CA6: variants seen among roughly 807,000 people sequenced by gnomAD.
CA6 encodes carbonate dehydratase VI.
CA6 carries 28 observed loss-of-function variants against 35.9 expected under a neutral mutation model. The observed-to-expected ratio is 0.78, with a 90% confidence interval of 0.58 to 1.07. The LOEUF is 1.07. Ranked by LOEUF, CA6 falls within the 50% of genes least tolerant of loss-of-function variation. CA6 has a pLI of 0.00. For missense variants in CA6, 377 were observed against 382.0 expected (o/e 0.99, Z 0.11); for synonymous variants, 148 against 152.6 (o/e 0.97, Z 0.22).
chr1:8,953,133 T>C (rs1639584702), intron 2 of CA6, among the ~76,000 whole-genome samples: 1 of 152,216 alleles, frequency 6.6e-6, no homozygotes, highest in Admixed American at 6.6e-5. Context: ...TCACACAGCA[T>C]GTAGCCTTTT....
chr1:8,958,813 G>A (rs1457700929), intron 3 of CA6, 97 bp from the exon 4 acceptor site: 1 of 713,428 alleles, frequency 1.4e-6, no homozygotes, highest in East Asian at 2.7e-5. Flanking sequence ...TGAGGCCTCA[G>A]ACGGAGCACC....
At chr1:8,960,743 AACACACACACACACACAC>A (rs113532929) in intron 4 of CA6, among the ~76,000 whole-genome samples, 85 of 109,054 alleles carry the variant, frequency 7.8e-4, no homozygotes, top group Admixed American at 1.5e-3. Flanking sequence ...CAAGTATAGC[AACACACACACACACACAC>A]ACACACACAC....
rs775167612 is a variant in CA6 at position 8,959,021 on chromosome 1, T to C, written c.501+19T>C. On this transcript the variant is annotated intron_variant, in intron 4 of 7. Coordinates refer to ENST00000377443, the MANE Select transcript of CA6 (RefSeq NM_001215.4). Reference sequence around the variant, plus strand: ...CGTTGAGGTAAGCAGAAACTACCCATGTGTGTCTGTATTTGAAGTTATAGG... The same window carrying C: ...CGTTGAGGTAAGCAGAAACTACCCACGTGTGTCTGTATTTGAAGTTATAGG... The C allele has an allele frequency of 6.8e-7, 1 of 1,462,418 alleles. No homozygotes were observed. Among genetic ancestry groups the C allele is most frequent in the Non-Finnish European group, 9.6e-7 (1 of 1,042,778 alleles). 90.6% of individuals were successfully genotyped at this position (1,462,418 alleles called of 1,614,324 possible).
At position 8,974,674 on chromosome 1, in the gene CA6, T is replaced by C. The variant is rs36181061; in HGVS notation, c.897T>C (p.Ile299=). Residue 299 remains isoleucine (I), a synonymous_variant, in exon 8 of 8, where the codon ATT becomes ATC. Transcript: ENST00000377443. ...TTTACCTACATAAGATTGAGGAAATTCTTGACTACTTAAGAAGAGCATTGA... is the reference window on the plus strand; with the variant it reads ...TTTACCTACATAAGATTGAGGAAATCCTTGACTACTTAAGAAGAGCATTGA... ...FQFYLHKIEE[I]LDYLRRALN is the part of the protein sequence containing the mutation. 8.0e-3 allele frequency: 12,834 copies of C among 1,604,018 alleles called. 55 individuals are homozygous for C. The highest frequency in any genetic ancestry group is 0.01 in the Non-Finnish European group (11,886 of 1,174,372).
At chr1:8,946,319 A>ACCATGCCCAGTCAGGTTTTGAAAGGT (rs1557616800) in intron 1 of CA6, among the ~76,000 whole-genome samples, 3 of 152,060 alleles carry the variant, frequency 2.0e-5, no homozygotes, top group African/African-American at 7.3e-5. Flanking sequence ...GGCATGAGCC[A>ACCATGCCCAGTCAGGTTTTGAAAGGT]TTGCGCCCGG....
intron 1 of CA6, among the ~76,000 whole-genome samples, chr1:8,946,645 T>C (rs1376339316): frequency 1.3e-5 from 2 of 152,024 alleles, no homozygotes; most frequent in African/African-American, 4.8e-5. Flanking sequence ...ACAAAGTTCT[T>C]AGAAAAGACT....
intron 3 of CA6, among the ~76,000 whole-genome samples, chr1:8,958,534 T>C (rs907758455): frequency 6.6e-6 from 1 of 152,172 alleles, no homozygotes; most frequent in Admixed American, 6.6e-5. Flanking sequence ...ATGTTAACAA[T>C]GGTTGCCTGG....
intron 1 of CA6, among the ~76,000 whole-genome samples, chr1:8,947,915 G>T (rs550538641): frequency 7.7e-4 from 116 of 151,292 alleles, no homozygotes; most frequent in African/African-American, 2.7e-3. Flanking sequence ...CGCGATCTCG[G>T]CTCACCGCAA....
chr1:8,956,357 A>T (rs1639683440), intron 2 of CA6, among the ~76,000 whole-genome samples: 1 of 151,736 alleles, frequency 6.6e-6, no homozygotes, highest in East Asian at 1.9e-4. Context: ...TGTGTAGTTC[A>T]TTCCAAAAGG....
At chr1:8,970,838 C>CGAA (rs1412626552) in intron 6 of CA6, 29 bp from the exon 7 acceptor site, 2 of 1,325,670 alleles carry the variant, frequency 1.5e-6, no homozygotes, top group Admixed American at 1.7e-5. Flanking sequence ...TGACTCTTCC[C>CGAA]CTCCATAATG....
chr1:8,974,780 G>T lies in CA6; in HGVS notation c.*76G>T, dbSNP rs1328629680. 1.1e-5 allele frequency: 9 copies of T among 792,336 alleles called. No homozygotes were observed. In the Admixed American group the frequency reaches 2.3e-4, roughly 20 times the overall value. 49.1% of individuals were successfully genotyped at this position (792,336 alleles called of 1,614,324 possible). A position where few individuals can be genotyped will look rare whatever the true frequency, so the allele number is the denominator to read the frequency against. The stretch of plus-strand genomic sequence containing the variant: ...CCAGAAGTGCCTGTCCGCTGCAGCC[G>T]CACCCTACCTTGTCTAAGAAACCAT... On this transcript the variant is annotated 3_prime_UTR_variant, in exon 8 of 8. Coordinates refer to ENST00000377443, the MANE Select transcript of CA6 (RefSeq NM_001215.4).
chr1:8,956,095 T>A (rs1396310872), intron 2 of CA6, among the ~76,000 whole-genome samples: 2 of 151,826 alleles, frequency 1.3e-5, no homozygotes, highest in Non-Finnish European at 2.9e-5. Context: ...TGGTGGCATA[T>A]GCCTGTAATC....
rs747854574 is a variant in CA6, at chr1:8,945,945, T to C, written c.59T>C (p.Val20Ala). ...CTGCTGGGTGGCCAGGCCCAGCATG[T>C]GTCTGACTGGACCTACTCAGGTGAG... ...LFLLGGQAQH[V>A]SDWTYSEGAL... Residue 20 changes from valine to alanine, a missense_variant, in exon 1 of 8, where the codon GTG becomes GCG. Physicochemically the swap from Val to Ala is moderately conservative, Grantham distance 64. Coordinates refer to ENST00000377443, the MANE Select transcript of CA6 (RefSeq NM_001215.4). 6.2e-7 allele frequency: 1 copy of C among 1,613,458 alleles called. No homozygotes were observed. Among genetic ancestry groups the C allele is most frequent in the Non-Finnish European group, 8.5e-7 (1 of 1,179,436 alleles).
At chr1:8,946,041 TC>T in intron 1 of CA6, 76 bp downstream of exon 1, 20 of 855,770 alleles carry the variant, frequency 2.3e-5, no homozygotes, top group Admixed American at 5.1e-5. Context: ...TTCTTCTTCT[TC>T]TTTTTTTTTT....
At chr1:8,970,081 G>A (rs1004633706) in intron 6 of CA6, among the ~76,000 whole-genome samples, 2 of 151,980 alleles carry the variant, frequency 1.3e-5, no homozygotes, top group Non-Finnish European at 1.5e-5. Context: ...GTGGGTGCCT[G>A]TAGTCCCAGC....
chr1:8,974,337 ATCCC>A (rs2124203269), intron 7 of CA6: 1 of 1,465,996 alleles, frequency 6.8e-7, no homozygotes, highest in East Asian at 2.5e-5. Context: ...AAACGCCTAT[ATCCC>A]CTCAGGCAAG....
intron 1 of CA6, among the ~76,000 whole-genome samples, chr1:8,948,491 T>TG (rs1440005223): frequency 3.9e-5 from 5 of 128,212 alleles, no homozygotes; most frequent in Non-Finnish European, 6.6e-5. Flanking sequence ...AAAATAGTGG[T>TG]GGGGGGTTCC....
intron 1 of CA6, among the ~76,000 whole-genome samples, chr1:8,949,057 C>T (rs1018856522): frequency 6.6e-6 from 1 of 152,100 alleles, no homozygotes; most frequent in African/African-American, 2.4e-5. Context: ...TAGAGGTTAG[C>T]ACCAAAGCCC....
intron 7 of CA6, among the ~76,000 whole-genome samples, chr1:8,971,311 CTT>C (rs1254140549): frequency 1.9e-4 from 26 of 137,830 alleles, no homozygotes; most frequent in Admixed American, 2.2e-4. Context: ...TCAAGTTAAC[CTT>C]TTTTTTTTTT....
Sources: gnomAD v4.1 joint callset for allele counts (sites outside exome capture counted in the v4.1 genomes callset) on GRCh38, gnomAD v4.1.1 for gene constraint, MANE v1.5 for transcripts, NCBI Gene and HGNC (gene_info 2026-07-23, HGNC 2026-07-21) for gene names.